Variants in CEMIP observed in about 807,000 individuals in gnomAD.
CEMIP encodes cell migration-inducing and hyaluronan-binding protein.
A neutral mutation model predicts 156.9 loss-of-function variants in CEMIP; 105 were observed. The ratio of observed to expected loss-of-function variants is 0.67; its 90% CI spans 0.57 to 0.79. CEMIP has a LOEUF of 0.79. Among genes scored for constraint, CEMIP ranks in the 30% least tolerant of loss-of-function variants. CEMIP has a pLI of 0.00. For missense variants in CEMIP, 1,457 were observed against 1,769.4 expected, an observed-to-expected ratio of 0.82 and a Z score of 3.17; for synonymous variants, 676 against 668.4, an observed-to-expected ratio of 1.01 and a Z score of -0.17.
chr15:80,839,289 A>AGT (rs34172431), intron 1 of CEMIP, among the ~76,000 whole-genome samples: 43,849 of 130,870 alleles, frequency 0.34, 7,559 homozygotes, highest in Non-Finnish European at 0.39. Context: ...CAAGGCCGTG[A>AGT]GTGTGTGTGT....
intron 1 of CEMIP, among the ~76,000 whole-genome samples, chr15:80,826,698 A>C (rs1006137125): frequency 6.6e-6 from 1 of 152,336 alleles, no homozygotes; most frequent in South Asian, 2.1e-4. Flanking sequence ...CAGAGGCCAC[A>C]GTCATAGGCA....
intron 1 of CEMIP, among the ~76,000 whole-genome samples, chr15:80,873,244 G>A (rs1158405055): frequency 6.6e-6 from 1 of 152,136 alleles, no homozygotes; most frequent in Non-Finnish European, 1.5e-5. Context: ...TGAATACTGG[G>A]GACAATTAGC....
chr15:80,885,629 T>G (rs1476724688), intron 7 of CEMIP, among the ~76,000 whole-genome samples: 1 of 152,144 alleles, frequency 6.6e-6, no homozygotes, highest in Non-Finnish European at 1.5e-5. Flanking sequence ...TGAGTTTGAG[T>G]CTGGGTTGCA....
In CEMIP at chr15:80,924,849, C is replaced by A. The variant is rs1900600747; in HGVS notation, c.2288+143C>A. On this transcript the variant is annotated intron_variant, in intron 18 of 29. Coordinates refer to ENST00000394685, the MANE Select transcript of CEMIP (RefSeq NM_001293298.2). ...GGCTTTGAGCTAGTTGCTGGGGGTA[C>A]AATGGTGAAAACCTGAGCAGGGTAA... The A allele has an allele frequency of 3.8e-6, 3 of 784,528 alleles. No individual in the cohort carries two copies. The East Asian group carries it at 8.0e-5, about 21-fold the overall frequency. 48.6% of individuals were successfully genotyped at this position (784,528 alleles called of 1,614,324 possible). A position where few individuals can be genotyped will look rare whatever the true frequency, so the allele number is the denominator to read the frequency against.
chr15:80,904,956 G>A (rs1160665476), intron 12 of CEMIP, among the ~76,000 whole-genome samples: 1 of 152,144 alleles, frequency 6.6e-6, no homozygotes, highest in African/African-American at 2.4e-5. Flanking sequence ...TTCACATCTT[G>A]AATAAGATAC....
At chr15:80,875,568 T>TGGGG (rs543629386) in intron 3 of CEMIP, among the ~76,000 whole-genome samples, 49 of 152,278 alleles carry the variant, frequency 3.2e-4, no homozygotes, top group Non-Finnish European at 6.6e-4. Flanking sequence ...CCTCTCTTGC[T>TGGGG]GTTTGCCTAT....
At chr15:80,788,645 T>C (rs1444994642) in intron 1 of CEMIP, among the ~76,000 whole-genome samples, 1 of 152,214 alleles carries the variant, frequency 6.6e-6, no homozygotes, top group Non-Finnish European at 1.5e-5. Context: ...ACCTCAAACA[T>C]AGTGGCTAAG....
At chr15:80,835,858 C>G (rs1897259947) in intron 1 of CEMIP, among the ~76,000 whole-genome samples, 1 of 152,030 alleles carries the variant, frequency 6.6e-6, no homozygotes, top group African/African-American at 2.4e-5. Context: ...ACAGCTTTGC[C>G]CCAACTTGAA....
chr15:80,803,172 G>A (rs538775044), intron 1 of CEMIP, among the ~76,000 whole-genome samples: 1 of 152,116 alleles, frequency 6.6e-6, no homozygotes, highest in Non-Finnish European at 1.5e-5. Flanking sequence ...AAAGAAACCA[G>A]ACTTTACATC....
chr15:80,862,047 G>T (rs544760444), intron 1 of CEMIP, among the ~76,000 whole-genome samples: 2 of 152,214 alleles, frequency 1.3e-5, no homozygotes, highest in Non-Finnish European at 2.9e-5. Flanking sequence ...AGCCTCCTGC[G>T]CTCCCCTTGG....
At chr15:80,909,676 T>C in intron 14 of CEMIP, 1 of 459,064 alleles carries the variant, frequency 2.2e-6, no homozygotes, top group Non-Finnish European at 4.4e-6. Flanking sequence ...CTGTGGTATC[T>C]ACCCAACAGA....
At chr15:80,876,147 C>T (rs1399582738) in intron 3 of CEMIP, among the ~76,000 whole-genome samples, 1 of 152,218 alleles carries the variant, frequency 6.6e-6, no homozygotes, top group East Asian at 1.9e-4. Flanking sequence ...CCTCAGTTGG[C>T]CATATATGTT....
intron 1 of CEMIP, among the ~76,000 whole-genome samples, chr15:80,807,678 A>G (rs555141549): frequency 6.6e-6 from 1 of 152,366 alleles, no homozygotes; most frequent in Non-Finnish European, 1.5e-5. Context: ...ACAGTAAGAC[A>G]TCATAGCTAA....
At chr15:80,914,205 T>C in intron 14 of CEMIP, among the ~76,000 whole-genome samples, 1 of 152,210 alleles carries the variant, frequency 6.6e-6, no homozygotes, top group East Asian at 1.9e-4. Context: ...TTCACCTTCC[T>C]GTTTTTCCTG....
chr15:80,794,378 G>T (rs1896161617), intron 1 of CEMIP, among the ~76,000 whole-genome samples: 1 of 152,102 alleles, frequency 6.6e-6, no homozygotes, highest in African/African-American at 2.4e-5. Flanking sequence ...TGCAGAGGCT[G>T]CTAGGCTCTG....
At chr15:80,806,951 G>C (rs887801514) in intron 1 of CEMIP, among the ~76,000 whole-genome samples, 2 of 152,210 alleles carry the variant, frequency 1.3e-5, no homozygotes, top group Non-Finnish European at 2.9e-5. Context: ...GCATGTCTAA[G>C]TTCTGCTGCG....
At chr15:80,843,822 G>A (rs1313754043) in intron 1 of CEMIP, among the ~76,000 whole-genome samples, 1 of 152,170 alleles carries the variant, frequency 6.6e-6, no homozygotes, top group Non-Finnish European at 1.5e-5. Context: ...CCACCCAGGT[G>A]TCAAAAGACA....
intron 7 of CEMIP, among the ~76,000 whole-genome samples, chr15:80,887,398 CTTGT>C (rs530368569): frequency 1.2e-3 from 186 of 152,306 alleles, no homozygotes; most frequent in Non-Finnish European, 2.2e-3. Context: ...GGTCTGTTGG[CTTGT>C]TTGTTTATTT....
chr15:80,803,813 G>A (rs1896441161), intron 1 of CEMIP, among the ~76,000 whole-genome samples: 1 of 152,234 alleles, frequency 6.6e-6, no homozygotes, highest in Non-Finnish European at 1.5e-5. Flanking sequence ...ATTTTCTGTT[G>A]TGGGTAAATG....
Sources: gnomAD v4.1 joint callset for allele counts (sites outside exome capture counted in the v4.1 genomes callset) on GRCh38, gnomAD v4.1.1 for gene constraint, MANE v1.5 for transcripts, NCBI Gene and HGNC (gene_info 2026-07-23, HGNC 2026-07-21) for gene names.